Variants in USH2A observed in about 807,000 individuals in gnomAD.
The protein encoded by USH2A is usherin.
A neutral mutation model predicts 538.9 loss-of-function variants in USH2A; 443 were observed. The ratio of observed to expected loss-of-function variants is 0.82; its 90% CI spans 0.76 to 0.89. The LOEUF (loss-of-function observed/expected upper bound fraction) is 0.89. Ranked by LOEUF, USH2A falls within the 40% of genes least tolerant of loss-of-function variation. The pLI, the probability that USH2A is intolerant of heterozygous loss-of-function variation, is 0.00. For synonymous variants in USH2A, 2,413 were observed against 2,273.5 expected, an observed-to-expected ratio of 1.06 and a Z score of -1.75; for missense variants, 6,633 against 6,324.8, an observed-to-expected ratio of 1.05 and a Z score of -1.65.
In USH2A at chr1:215,781,930, A is replaced by G. The variant is rs762062120; in HGVS notation, c.10740+112T>C. 8.4e-5 allele frequency: 122 copies of G among 1,447,380 alleles called. 1 individual carries two copies. The highest frequency in any genetic ancestry group is 1.2e-4 in the Non-Finnish European group (120 of 1,038,958). The allele number at this position is 1,447,380 out of a possible 1,614,324, so 89.7% of individuals were successfully genotyped here. ...ACACATGAACACGCTACTTAACACC[A>G]CTTTGAGGAGGGACATTGTTTTCTT... is the stretch of plus-strand genomic sequence containing the variant. On this transcript the variant is annotated intron_variant, in intron 54 of 71. Transcript: ENST00000307340.
chr1:216,349,238 T>C (rs1174332566), intron 4 of USH2A, among the ~76,000 whole-genome samples: 1 of 152,062 alleles, frequency 6.6e-6, no homozygotes, highest in African/African-American at 2.4e-5. Context: ...GGCAGGAATA[T>C]CATCACCCCT....
chr1:216,014,160 T>G (rs2102495352), intron 32 of USH2A, among the ~76,000 whole-genome samples: 3 of 152,088 alleles, frequency 2.0e-5, no homozygotes, highest in Admixed American at 2.0e-4. Flanking sequence ...ATTGGGAAAT[T>G]CTTGGTAAAA....
chr1:215,881,108 A>G (rs1558142362), intron 41 of USH2A, among the ~76,000 whole-genome samples: 1 of 152,188 alleles, frequency 6.6e-6, no homozygotes, highest in East Asian at 1.9e-4. Context: ...CTCCATCTCA[A>G]TCAATCAATC....
At chr1:216,044,923 T>A (rs2030447724) in intron 32 of USH2A, among the ~76,000 whole-genome samples, 1 of 152,180 alleles carries the variant, frequency 6.6e-6, no homozygotes, top group Admixed American at 6.6e-5. Flanking sequence ...CTTGTCCTTT[T>A]AAGGTTCTCA....
At chr1:216,354,159 C>T (rs6659372) in intron 4 of USH2A, among the ~76,000 whole-genome samples, 3,406 of 152,224 alleles carry the variant, frequency 0.022, 92 homozygotes, top group African/African-American at 0.062. Flanking sequence ...GTAAAGCCCA[C>T]GTACAGATCA....
chr1:216,010,014 C>T (rs1194385180), intron 32 of USH2A, among the ~76,000 whole-genome samples: 1 of 152,182 alleles, frequency 6.6e-6, no homozygotes, highest in Non-Finnish European at 1.5e-5. Context: ...AGTCAAAAGG[C>T]TGTCTTATAC....
In USH2A at chr1:215,622,892, T is replaced by C. The variant is rs1257439826; in HGVS notation, c.*2889A>G. ...AATAAATAGATGATTAAGCCAGAAT[T>C]AGGTCACATTCAAATATTTATTAAG... On this transcript the variant is annotated 3_prime_UTR_variant, in exon 72 of 72. Transcript: ENST00000307340. 1 of 152,154 alleles carries C rather than the reference T, an allele frequency of 6.6e-6. No individual in the cohort carries two copies. The highest frequency in any genetic ancestry group is 1.5e-5 in the Non-Finnish European group (1 of 68,006). The allele number at this position is 152,154 out of a possible 1,614,324, so 9.4% of individuals were successfully genotyped here.
chr1:215,742,422 C>T (rs1024026461), intron 59 of USH2A, among the ~76,000 whole-genome samples: 1 of 151,274 alleles, frequency 6.6e-6, no homozygotes, highest in Non-Finnish European at 1.5e-5. Context: ...ATGATGAGAT[C>T]ATATATATCA....
chr1:215,680,862 C>T (rs368076880), intron 61 of USH2A, among the ~76,000 whole-genome samples: 2 of 152,048 alleles, frequency 1.3e-5, no homozygotes, highest in East Asian at 1.9e-4. Flanking sequence ...CCCAGTCTCC[C>T]TCTCTCATTC....
At chr1:215,648,870 G>A in intron 65 of USH2A, 104 bp from the exon 66 acceptor site, 1 of 1,120,836 alleles carries the variant, frequency 8.9e-7, no homozygotes, top group Non-Finnish European at 1.4e-6. Flanking sequence ...ACCATGCCAG[G>A]CACTCTGGGA....
At chr1:216,381,933 G>C (rs947404294) in intron 3 of USH2A, among the ~76,000 whole-genome samples, 1 of 152,156 alleles carries the variant, frequency 6.6e-6, no homozygotes, top group Non-Finnish European at 1.5e-5. Context: ...TTTTCAATCT[G>C]TGTTTAGCTC....
intron 21 of USH2A, 82 bp downstream of exon 21, chr1:216,175,170 T>A: frequency 6.3e-7 from 1 of 1,584,624 alleles, no homozygotes; most frequent in Non-Finnish European, 8.6e-7. Flanking sequence ...ATAATAAAAA[T>A]TCATTGTAAA....
At chr1:216,387,338 A>G (rs2039024646) in intron 3 of USH2A, among the ~76,000 whole-genome samples, 1 of 152,214 alleles carries the variant, frequency 6.6e-6, no homozygotes, top group South Asian at 2.1e-4. Context: ...ACAAACTATC[A>G]GATGCATTTT....
intron 9 of USH2A, among the ~76,000 whole-genome samples, chr1:216,293,765 T>C (rs2037051385): frequency 6.6e-6 from 1 of 152,180 alleles, no homozygotes; most frequent in African/African-American, 2.4e-5. Flanking sequence ...ATAAATAAAC[T>C]GAATGATAAA....
chr1:215,837,161 T>C (rs574168279), intron 47 of USH2A, among the ~76,000 whole-genome samples: 1 of 152,296 alleles, frequency 6.6e-6, no homozygotes, highest in Non-Finnish European at 1.5e-5. Context: ...ACTAATTTTT[T>C]GAACTGATTT....
chr1:216,109,367 C>T (rs970449896), intron 21 of USH2A, among the ~76,000 whole-genome samples: 26 of 152,132 alleles, frequency 1.7e-4, no homozygotes, highest in African/African-American at 5.8e-4. Context: ...TAGCATACTC[C>T]TCCGCTGTCT....
intron 61 of USH2A, among the ~76,000 whole-genome samples, chr1:215,684,818 C>G (rs1292412191): frequency 2.0e-5 from 3 of 152,232 alleles, no homozygotes; most frequent in African/African-American, 7.2e-5. Flanking sequence ...GCATCCCAAC[C>G]AAGTCACGGG....
At chr1:215,714,951 C>A (rs937437878) in intron 61 of USH2A, among the ~76,000 whole-genome samples, 1 of 152,168 alleles carries the variant, frequency 6.6e-6, no homozygotes, top group Non-Finnish European at 1.5e-5. Flanking sequence ...CTCTTAATAT[C>A]ATGCCCCAAA....
chr1:215,688,119 C>T (rs919382638), intron 61 of USH2A, among the ~76,000 whole-genome samples: 1 of 152,014 alleles, frequency 6.6e-6, no homozygotes, highest in African/African-American at 2.4e-5. Context: ...TAAGAAAGGT[C>T]CTTGAAGAAG....
Sources: gnomAD v4.1 joint callset for allele counts (sites outside exome capture counted in the v4.1 genomes callset) on GRCh38, gnomAD v4.1.1 for gene constraint, MANE v1.5 for transcripts, NCBI Gene and HGNC (gene_info 2026-07-23, HGNC 2026-07-21) for gene names.